Variants in GPR158 observed in about 807,000 individuals in gnomAD.
GPR158 encodes G protein-coupled receptor 158, also known as metabotropic glycine receptor.
GPR158 carries 30 observed loss-of-function variants against 78.2 expected under a neutral mutation model. That is an observed-to-expected ratio of 0.38 (90% CI 0.29 to 0.52). GPR158 has a LOEUF of 0.52. Ranked by LOEUF, GPR158 falls within the 20% of genes least tolerant of loss-of-function variation. The probability of loss-of-function intolerance (pLI) is 0.83; values close to 1 mark genes in which losing one functional copy is unlikely to be tolerated. For synonymous variants in GPR158, 581 were observed against 591.1 expected, an observed-to-expected ratio of 0.98 and a Z score of 0.25; for missense variants, 1,463 against 1,523.5, an observed-to-expected ratio of 0.96 and a Z score of 0.66.
intron 2 of GPR158, among the ~76,000 whole-genome samples, chr10:25,245,650 A>AT (rs1853680397): frequency 6.6e-6 from 1 of 152,124 alleles, no homozygotes; most frequent in African/African-American, 2.4e-5. Flanking sequence ...AATTTTCCTT[A>AT]TTAAACTCCT....
intron 5 of GPR158, among the ~76,000 whole-genome samples, chr10:25,511,183 T>C (rs879333940): frequency 6.6e-6 from 1 of 152,194 alleles, no homozygotes; most frequent in Admixed American, 6.5e-5. Flanking sequence ...GTGTTCCCTT[T>C]TTGCCACATC....
intron 3 of GPR158, among the ~76,000 whole-genome samples, chr10:25,399,166 G>T (rs1482046954): frequency 2.0e-5 from 3 of 152,060 alleles, no homozygotes; most frequent in Non-Finnish European, 4.4e-5. Context: ...AGCGAAGGGG[G>T]AAGGCCCTTA....
intron 1 of GPR158, among the ~76,000 whole-genome samples, chr10:25,219,835 A>G (rs982434199): frequency 3.3e-5 from 5 of 152,220 alleles, no homozygotes; most frequent in Non-Finnish European, 7.3e-5. Context: ...AGGATTGTTG[A>G]ACTAGCAGTC....
intron 5 of GPR158, among the ~76,000 whole-genome samples, chr10:25,493,062 T>C (rs1170943799): frequency 6.6e-6 from 1 of 152,058 alleles, no homozygotes; most frequent in Non-Finnish European, 1.5e-5. Context: ...AGAATTGCAA[T>C]TTAAGAGAAA....
At chr10:25,427,760 C>T (rs186381304) in intron 4 of GPR158, among the ~76,000 whole-genome samples, 178 of 152,062 alleles carry the variant, frequency 1.2e-3, no homozygotes, top group African/African-American at 4.1e-3. Context: ...ATGAGCTTTG[C>T]GGACTTTGGA....
intron 2 of GPR158, among the ~76,000 whole-genome samples, chr10:25,230,053 A>G (rs775807802): frequency 3.9e-5 from 6 of 152,224 alleles, no homozygotes; most frequent in Non-Finnish European, 7.3e-5. Context: ...ATGTTCATCT[A>G]TTCTTTGAAT....
chr10:25,325,394 C>G (rs968498997), intron 2 of GPR158, among the ~76,000 whole-genome samples: 34 of 151,808 alleles, frequency 2.2e-4, no homozygotes, highest in African/African-American at 8.2e-4. Flanking sequence ...TTTTTAAGAC[C>G]AAGCTGAATA....
intron 7 of GPR158, among the ~76,000 whole-genome samples, chr10:25,575,135 C>T (rs1837073135): frequency 6.6e-6 from 1 of 151,454 alleles, no homozygotes; most frequent in Non-Finnish European, 1.5e-5. Flanking sequence ...GAAATGCCTA[C>T]CTAGAAAATA....
intron 2 of GPR158, among the ~76,000 whole-genome samples, chr10:25,264,648 A>G (rs779311971): frequency 6.6e-6 from 1 of 152,232 alleles, no homozygotes; most frequent in Non-Finnish European, 1.5e-5. Flanking sequence ...GTGGTTTGTT[A>G]CACAGCAGGG....
rs189350308 is a variant in GPR158, at chr10:25,555,153, T to C, written c.1514+4068T>C. ...TGTAGTATAGTTTGAAGTCAGGTAG[T>C]GTGATGCCTCCAGCTTTGTTCTTTT... On this transcript the variant is annotated intron_variant, in intron 6 of 10. Transcript: ENST00000376351. Among the ~76,000 whole-genome samples, 20 of 152,204 alleles carry C rather than the reference T, an allele frequency of 1.3e-4. 1 individual carries two copies. Among genetic ancestry groups the C allele is most frequent in the Admixed American group, 1.3e-3 (20 of 15,272 alleles).
chr10:25,314,345 C>T (rs775400366), intron 2 of GPR158, among the ~76,000 whole-genome samples: 1 of 152,090 alleles, frequency 6.6e-6, no homozygotes, highest in Non-Finnish European at 1.5e-5. Context: ...ATGATCTGCC[C>T]ACCTCGGCCT....
intron 2 of GPR158, among the ~76,000 whole-genome samples, chr10:25,235,693 A>ATTTTT (rs930396368): frequency 8.8e-6 from 1 of 113,822 alleles, no homozygotes; most frequent in Non-Finnish European, 1.8e-5. Flanking sequence ...TTGCACAGTA[A>ATTTTT]TTTTTTTTTT....
At chr10:25,453,085 C>T (rs1835242769) in intron 4 of GPR158, among the ~76,000 whole-genome samples, 1 of 152,114 alleles carries the variant, frequency 6.6e-6, no homozygotes. Context: ...AATAGTATTC[C>T]ATTGTGTACA....
At chr10:25,234,467 T>C (rs936177528) in intron 2 of GPR158, among the ~76,000 whole-genome samples, 2 of 152,266 alleles carry the variant, frequency 1.3e-5, no homozygotes, top group African/African-American at 2.4e-5. Flanking sequence ...ATTTCACTTA[T>C]ATAGCTTAAG....
chr10:25,190,389 A>G (rs1011762621), intron 1 of GPR158, among the ~76,000 whole-genome samples: 9 of 151,976 alleles, frequency 5.9e-5, no homozygotes, highest in African/African-American at 1.7e-4. Context: ...CTGGAGTGCA[A>G]TGGCGTAAAT....
intron 2 of GPR158, among the ~76,000 whole-genome samples, chr10:25,369,777 G>T (rs944931724): frequency 6.6e-6 from 1 of 151,928 alleles, no homozygotes; most frequent in African/African-American, 2.4e-5. Flanking sequence ...GGTAGAATTC[G>T]GCTGTGAATC....
chr10:25,450,503 C>T (rs540719849), intron 4 of GPR158, among the ~76,000 whole-genome samples: 2 of 150,862 alleles, frequency 1.3e-5, no homozygotes, highest in South Asian at 2.1e-4. Flanking sequence ...TTTCCATCTT[C>T]CCTTTCTTTT....
chr10:25,425,142 T>C (rs1195339283), intron 4 of GPR158, among the ~76,000 whole-genome samples: 1 of 151,898 alleles, frequency 6.6e-6, no homozygotes, highest in Admixed American at 6.6e-5. Flanking sequence ...TTCTCTTCAA[T>C]TGTGAATGGG....
At chr10:25,430,024 G>A (rs1834879112) in intron 4 of GPR158, among the ~76,000 whole-genome samples, 3 of 143,496 alleles carry the variant, frequency 2.1e-5, no homozygotes, top group East Asian at 2.0e-4. Context: ...AATCAGGCAG[G>A]AGAAGGAAAT....
Sources: allele counts gnomAD v4.1 joint callset (sites outside exome capture counted in the v4.1 genomes callset), GRCh38; gene constraint gnomAD v4.1.1; transcripts MANE v1.5; gene names NCBI Gene and HGNC (gene_info 2026-07-23, HGNC 2026-07-21).